FHIT: variants seen among roughly 807,000 people sequenced by gnomAD.
The protein encoded by FHIT is fragile histidine triad diadenosine triphosphatase, also known as bis(5'-adenosyl)-triphosphatase.
A neutral mutation model predicts 17.9 loss-of-function variants in FHIT; 19 were observed. That is an observed-to-expected ratio of 1.06 (90% CI 0.74 to 1.56). The LOEUF (loss-of-function observed/expected upper bound fraction) is 1.56, where lower values mean the gene tolerates loss of function less well. Among genes scored for constraint, FHIT ranks in the 40% most tolerant of loss-of-function variants. The pLI is 0.00. For missense variants in FHIT, 248 were observed against 189.2 expected (o/e 1.31, Z -1.82); for synonymous variants, 81 against 69.7 (o/e 1.16, Z -0.81).
intron 5 of FHIT, among the ~76,000 whole-genome samples, chr3:60,497,282 G>C (rs954815259): frequency 1.3e-5 from 2 of 151,938 alleles, no homozygotes; most frequent in Non-Finnish European, 2.9e-5. Context: ...TAAGATGACA[G>C]GTGGGGAAGA....
intron 4 of FHIT, among the ~76,000 whole-genome samples, chr3:60,686,947 G>C (rs781817215): frequency 2.0e-5 from 3 of 152,188 alleles, no homozygotes; most frequent in Non-Finnish European, 4.4e-5. Context: ...AGATCCCTCA[G>C]AGAGTTTTGT....
chr3:61,049,367 T>C (rs1348677725), intron 2 of FHIT, among the ~76,000 whole-genome samples: 1 of 151,910 alleles, frequency 6.6e-6, no homozygotes, highest in African/African-American at 2.4e-5. Flanking sequence ...AGTTTTTTTA[T>C]AGATCTCCAT....
At chr3:60,185,266 T>A (rs1482392647) in intron 5 of FHIT, among the ~76,000 whole-genome samples, 1 of 151,924 alleles carries the variant, frequency 6.6e-6, no homozygotes, top group African/African-American at 2.4e-5. Flanking sequence ...AAAAAAAAAA[T>A]CGCATGTTTC....
At chr3:60,095,252 G>A (rs1458899527) in intron 5 of FHIT, among the ~76,000 whole-genome samples, 1 of 152,202 alleles carries the variant, frequency 6.6e-6, no homozygotes, top group Non-Finnish European at 1.5e-5. Flanking sequence ...TTTGAAAGCA[G>A]TGCATACATT....
At chr3:59,980,996 A>G (rs1394073133) in intron 7 of FHIT, among the ~76,000 whole-genome samples, 1 of 152,160 alleles carries the variant, frequency 6.6e-6, no homozygotes, top group Non-Finnish European at 1.5e-5. Context: ...CTTTGTAGTT[A>G]TGTTACCCAA....
chr3:60,851,702 C>CATTAG (rs1703160340), intron 3 of FHIT, among the ~76,000 whole-genome samples: 1 of 152,100 alleles, frequency 6.6e-6, no homozygotes, highest in Non-Finnish European at 1.5e-5. Context: ...TTTATCATGT[C>CATTAG]ACATAGACCC....
chr3:60,243,129 G>C (rs1403118838), intron 5 of FHIT, among the ~76,000 whole-genome samples: 2 of 151,558 alleles, frequency 1.3e-5, no homozygotes, highest in Non-Finnish European at 2.9e-5. Context: ...CAAATGGATT[G>C]TTCGCCTTTG....
chr3:60,560,838 CACACACAG>C (rs1361435976), intron 4 of FHIT, among the ~76,000 whole-genome samples: 19 of 118,886 alleles, frequency 1.6e-4, no homozygotes, highest in African/African-American at 4.8e-4. Flanking sequence ...CACACACACA[CACACACAG>C]AGAGAGAGAG....
intron 5 of FHIT, among the ~76,000 whole-genome samples, chr3:60,233,151 T>C (rs985658208): frequency 6.6e-6 from 1 of 152,182 alleles, no homozygotes; most frequent in African/African-American, 2.4e-5. Flanking sequence ...TATTTTCATA[T>C]CTTATAACAT....
chr3:61,136,597 C>CT (rs1273845451), intron 2 of FHIT, among the ~76,000 whole-genome samples: 1 of 152,136 alleles, frequency 6.6e-6, no homozygotes, highest in East Asian at 1.9e-4. Context: ...AACTGAATAT[C>CT]TTTTTAAATA....
chr3:60,000,179 C>G (rs565580002), intron 7 of FHIT, among the ~76,000 whole-genome samples: 5 of 152,250 alleles, frequency 3.3e-5, no homozygotes, highest in African/African-American at 1.2e-4. Context: ...GACTCCGATC[C>G]TTTAGAGTGT....
chr3:60,211,902 G>C (rs913818888), intron 5 of FHIT, among the ~76,000 whole-genome samples: 1 of 152,124 alleles, frequency 6.6e-6, no homozygotes, highest in Admixed American at 6.5e-5. Context: ...CTTTTCATAT[G>C]ATGAGGCCAA....
intron 5 of FHIT, among the ~76,000 whole-genome samples, chr3:60,125,728 T>G (rs983669462): frequency 2.0e-5 from 3 of 152,050 alleles, no homozygotes; most frequent in East Asian, 1.9e-4. Flanking sequence ...ATATGTAATG[T>G]ACTTACAAAA....
intron 2 of FHIT, among the ~76,000 whole-genome samples, chr3:61,132,829 C>A (rs774319707): frequency 2.0e-5 from 3 of 151,862 alleles, no homozygotes; most frequent in African/African-American, 7.3e-5. Context: ...AGGGAGCTAT[C>A]GATGGTTTTA....
chr3:60,379,934 T>C (rs1381891390), intron 5 of FHIT, among the ~76,000 whole-genome samples: 1 of 152,180 alleles, frequency 6.6e-6, no homozygotes, highest in African/African-American at 2.4e-5. Flanking sequence ...TACAATTTTG[T>C]TTAACATATA....
chr3:59,869,550 C>T (rs1380376191), intron 8 of FHIT, among the ~76,000 whole-genome samples: 3 of 139,274 alleles, frequency 2.2e-5, no homozygotes, highest in Admixed American at 7.5e-5. Flanking sequence ...GGAGCGATCT[C>T]GGCATACTGT....
chr3:60,357,397 C>G (rs968190972), intron 5 of FHIT, among the ~76,000 whole-genome samples: 2 of 152,038 alleles, frequency 1.3e-5, no homozygotes, highest in Non-Finnish European at 2.9e-5. Flanking sequence ...GCACCCATCA[C>G]CACACCTGGC....
chr3:60,849,463 T>A (rs1042167752), intron 3 of FHIT, among the ~76,000 whole-genome samples: 7 of 144,950 alleles, frequency 4.8e-5, no homozygotes, highest in South Asian at 2.1e-4. Context: ...TATATATATA[T>A]AAAATTATTA....
At chr3:60,426,649 G>T (rs935880830) in intron 5 of FHIT, among the ~76,000 whole-genome samples, 1 of 152,010 alleles carries the variant, frequency 6.6e-6, no homozygotes, top group Non-Finnish European at 1.5e-5. Context: ...TTTCTCCTTA[G>T]TCAACACCCT....
Sources: allele counts gnomAD v4.1 joint callset (sites outside exome capture counted in the v4.1 genomes callset), GRCh38; gene constraint gnomAD v4.1.1; transcripts MANE v1.5; gene names NCBI Gene and HGNC (gene_info 2026-07-23, HGNC 2026-07-21).